The following CNTNAP2 variants were observed in gnomAD, a reference collection of about 807,000 sequenced individuals.
CNTNAP2 encodes contactin-associated protein-like 2.
In CNTNAP2, 98 loss-of-function variants were observed where a neutral mutation model predicts 155.2. The observed-to-expected ratio is 0.63, with a 90% confidence interval of 0.54 to 0.75. The LOEUF (loss-of-function observed/expected upper bound fraction) is 0.75, where lower values mean the gene tolerates loss of function less well. Among genes scored for constraint, CNTNAP2 ranks in the 30% least tolerant of loss-of-function variants. CNTNAP2 has a pLI of 0.00. For synonymous variants in CNTNAP2, 651 were observed against 631.2 expected (o/e 1.03, Z -0.47); for missense variants, 1,727 against 1,688.1 (o/e 1.02, Z -0.40).
At chr7:146,593,208 A>G (rs1798809441) in intron 1 of CNTNAP2, among the ~76,000 whole-genome samples, 1 of 151,620 alleles carries the variant, frequency 6.6e-6, no homozygotes, top group Non-Finnish European at 1.5e-5. Context: ...TGATACCCTG[A>G]AAGTCTTCCC....
chr7:146,812,429 G>GTATATATATATAAAAAATATATA (rs1319051298), intron 2 of CNTNAP2, among the ~76,000 whole-genome samples: 2 of 143,062 alleles, frequency 1.4e-5, no homozygotes, highest in Non-Finnish European at 3.0e-5. Context: ...TCTTTTATAT[G>GTATATATATATAAAAAATATATA]TATATATATA....
intron 1 of CNTNAP2, among the ~76,000 whole-genome samples, chr7:146,472,897 C>T (rs1796820567): frequency 6.7e-6 from 1 of 149,968 alleles, no homozygotes; most frequent in African/African-American, 2.5e-5. Context: ...TATAATTGTA[C>T]ATCTTTTCAT....
chr7:146,134,938 G>A (rs1390772240), intron 1 of CNTNAP2, among the ~76,000 whole-genome samples: 2 of 151,442 alleles, frequency 1.3e-5, no homozygotes, highest in African/African-American at 2.4e-5. Context: ...AATGAGTTAG[G>A]GAGGATTCCC....
chr7:146,593,168 A>AT (rs1563148646), intron 1 of CNTNAP2, among the ~76,000 whole-genome samples: 4 of 149,988 alleles, frequency 2.7e-5, no homozygotes, highest in Admixed American at 6.7e-5. Flanking sequence ...ATTATTATTA[A>AT]TATTATTATT....
At chr7:146,676,947 A>C (rs1028962005) in intron 1 of CNTNAP2, among the ~76,000 whole-genome samples, 1 of 152,184 alleles carries the variant, frequency 6.6e-6, no homozygotes, top group Non-Finnish European at 1.5e-5. Context: ...TGGCACTTCT[A>C]CACTAAAAAG....
At position 146,921,341 on chromosome 7, in the gene CNTNAP2, G is replaced by C. The variant is rs773741925; in HGVS notation, c.402+81437G>C. Among the ~76,000 whole-genome samples, 46 of 152,212 alleles carry C rather than the reference G, an allele frequency of 3.0e-4. 1 individual carries two copies. Among genetic ancestry groups the C allele is most frequent in the Middle Eastern group, 3.2e-3 (1 of 316 alleles). On this transcript the variant is annotated intron_variant, in intron 3 of 23. Transcript: ENST00000361727. ...GTCCTGAGAACAGGATATATGACTTGAGATGCGAATGATGAATCCCAGGCA... is the reference window on the plus strand; with the variant it reads ...GTCCTGAGAACAGGATATATGACTTCAGATGCGAATGATGAATCCCAGGCA...
At chr7:146,935,263 C>T (rs1429853099) in intron 3 of CNTNAP2, among the ~76,000 whole-genome samples, 1 of 152,114 alleles carries the variant, frequency 6.6e-6, no homozygotes, top group Non-Finnish European at 1.5e-5. Context: ...CCTCTATGAA[C>T]AATAGAAATG....
intron 3 of CNTNAP2, among the ~76,000 whole-genome samples, chr7:146,869,499 T>C (rs935546310): frequency 6.6e-5 from 10 of 152,118 alleles, no homozygotes; most frequent in African/African-American, 2.2e-4. Context: ...TTAAGGATAA[T>C]TGACTCACAT....
chr7:146,682,288 C>T (rs1800518527), intron 1 of CNTNAP2, among the ~76,000 whole-genome samples: 1 of 151,802 alleles, frequency 6.6e-6, no homozygotes, highest in African/African-American at 2.4e-5. Context: ...GAAATGTTCC[C>T]TGTTGAGTGA....
At chr7:147,226,998 G>A (rs181158867) in intron 8 of CNTNAP2, among the ~76,000 whole-genome samples, 405 of 152,292 alleles carry the variant, frequency 2.7e-3, no homozygotes, top group African/African-American at 9.1e-3. Context: ...AAATTATAGT[G>A]TATATTAGAA....
intron 8 of CNTNAP2, among the ~76,000 whole-genome samples, chr7:147,286,669 G>A (rs775477656): frequency 2.0e-5 from 3 of 152,072 alleles, no homozygotes; most frequent in Non-Finnish European, 1.5e-5. Context: ...ATATATGAAT[G>A]AGTTTTTCTT....
At chr7:147,418,129 G>A (rs1484739882) in intron 10 of CNTNAP2, among the ~76,000 whole-genome samples, 3 of 152,112 alleles carry the variant, frequency 2.0e-5, no homozygotes, top group Non-Finnish European at 2.9e-5. Flanking sequence ...TAGTTCTATG[G>A]TACTTACTTA....
intron 8 of CNTNAP2, among the ~76,000 whole-genome samples, chr7:147,197,477 C>A (rs988472778): frequency 2.0e-5 from 3 of 152,098 alleles, no homozygotes; most frequent in African/African-American, 7.2e-5. Context: ...GTAACACTAT[C>A]TCTGAATAAG....
At chr7:146,864,959 C>T (rs545225202) in intron 3 of CNTNAP2, among the ~76,000 whole-genome samples, 10 of 133,044 alleles carry the variant, frequency 7.5e-5, no homozygotes, top group African/African-American at 2.9e-4. Context: ...GATCTTACCA[C>T]CACACTCCAG....
At position 146,339,213 on chromosome 7, in the gene CNTNAP2, A is replaced by T. The variant is rs367930576; in HGVS notation, c.97+222240A>T. ...TCATTGTGTTTGTATTTGTCTCCAT[A>T]GAATCTAGTATAATGCTATGTGTAC... On this transcript the variant is annotated intron_variant, in intron 1 of 23. Coordinates refer to ENST00000361727, the MANE Select transcript of CNTNAP2 (RefSeq NM_014141.6). 9.2e-5 allele frequency among the ~76,000 whole-genome samples: 14 copies of T among 152,274 alleles called. No homozygotes were observed. In the East Asian group the frequency reaches 2.7e-3, roughly 29 times the overall value.
At chr7:146,934,454 G>A (rs1266768502) in intron 3 of CNTNAP2, among the ~76,000 whole-genome samples, 1 of 126,624 alleles carries the variant, frequency 7.9e-6, no homozygotes, top group Non-Finnish European at 1.6e-5. Context: ...GGTGGGGGGA[G>A]GGGGAAGGGG....
At chr7:147,460,564 T>G (rs1798005062) in intron 10 of CNTNAP2, among the ~76,000 whole-genome samples, 1 of 152,240 alleles carries the variant, frequency 6.6e-6, no homozygotes, top group South Asian at 2.1e-4. Context: ...CAGCCAACTT[T>G]AATTTTGAAG....
intron 18 of CNTNAP2, among the ~76,000 whole-genome samples, chr7:148,183,208 G>A (rs895345153): frequency 6.6e-6 from 1 of 152,206 alleles, no homozygotes; most frequent in African/African-American, 2.4e-5. Flanking sequence ...AAGCCAGAAG[G>A]CCGAGTGAGA....
At chr7:148,211,239 G>C (rs564200814) in intron 18 of CNTNAP2, among the ~76,000 whole-genome samples, 47 of 152,338 alleles carry the variant, frequency 3.1e-4, no homozygotes, top group South Asian at 8.3e-4. Context: ...GCTCCCAGGA[G>C]AGCCTCCTAG....
Sources: gnomAD v4.1 joint callset for allele counts (sites outside exome capture counted in the v4.1 genomes callset) on GRCh38, gnomAD v4.1.1 for gene constraint, MANE v1.5 for transcripts, NCBI Gene and HGNC (gene_info 2026-07-23, HGNC 2026-07-21) for gene names.